SP140: variants seen among roughly 807,000 people sequenced by gnomAD.
SP140 encodes the protein nuclear body protein SP140.
In SP140, 81 loss-of-function variants were observed where a neutral mutation model predicts 125.0. That is an observed-to-expected ratio of 0.65 (90% CI 0.54 to 0.78). The LOEUF (loss-of-function observed/expected upper bound fraction) is 0.78, where lower values mean the gene tolerates loss of function less well. Ranked by LOEUF, SP140 falls within the 30% of genes least tolerant of loss-of-function variation. The pLI is 0.00. For synonymous variants in SP140, 312 were observed against 354.0 expected (o/e 0.88, Z 1.33); for missense variants, 858 against 1,037.0 (o/e 0.83, Z 2.37).
intron 1 of SP140, among the ~76,000 whole-genome samples, chr2:230,231,865 C>A (rs1039178444): frequency 6.6e-6 from 1 of 152,114 alleles, no homozygotes; most frequent in African/African-American, 2.4e-5. Flanking sequence ...TGCCACCATG[C>A]CCAGCTAATT....
At chr2:230,264,483 A>T (rs1054107912) in intron 12 of SP140, among the ~76,000 whole-genome samples, 1 of 151,566 alleles carries the variant, frequency 6.6e-6, no homozygotes, top group African/African-American at 2.4e-5. Flanking sequence ...TAAATCAGGG[A>T]TTTCTTCTTG....
intron 15 of SP140, among the ~76,000 whole-genome samples, chr2:230,278,039 C>T (rs2149397066): frequency 6.6e-6 from 1 of 152,110 alleles, no homozygotes; most frequent in South Asian, 2.1e-4. Flanking sequence ...CTGTTTTTAA[C>T]TTTTTGAGGA....
intron 1 of SP140, among the ~76,000 whole-genome samples, chr2:230,227,408 G>A (rs2046610620): frequency 6.6e-6 from 1 of 152,194 alleles, no homozygotes; most frequent in Non-Finnish European, 1.5e-5. Flanking sequence ...GAAGAAGACG[G>A]CACTGAGAGG....
intron 15 of SP140, among the ~76,000 whole-genome samples, chr2:230,275,203 G>A (rs1016134483): frequency 6.6e-6 from 1 of 152,122 alleles, no homozygotes. Context: ...ATTCTTTTAC[G>A]TTTCTTTGTG....
chr2:230,238,903 G>A, intron 3 of SP140: 2 of 1,550,626 alleles, frequency 1.3e-6, no homozygotes, highest in South Asian at 1.2e-5. Context: ...GGGGGTTGGT[G>A]GGGGCCTTTC....
chr2:230,260,566 A>G (rs1268315488), intron 12 of SP140, among the ~76,000 whole-genome samples: 1 of 152,212 alleles, frequency 6.6e-6, no homozygotes, highest in Non-Finnish European at 1.5e-5. Flanking sequence ...CAGAATTTTT[A>G]TAGTTTCAGG....
chr2:230,225,858 G>A lies in SP140; in HGVS notation c.14G>A (p.Gly5Asp), dbSNP rs753172617. The A allele has an allele frequency of 6.2e-7, 1 of 1,614,046 alleles. No homozygotes were observed. The highest frequency in any genetic ancestry group is 1.7e-5 in the Admixed American group (1 of 60,020). The change falls in exon 1 of 27, where the codon GGC becomes GAC. Residue 5 changes from glycine (G) to aspartate (D), a missense_variant. Coordinates refer to ENST00000392045, the MANE Select transcript of SP140 (RefSeq NM_007237.5). MAQQGQQGQMASGDS... is the reference protein window; with the variant it reads MAQQDQQGQMASGDS... The stretch of plus-strand genomic sequence containing the variant: ...TAGGCCAAGCTCATGGCCCAGCAGG[G>A]CCAGCAGGGGCAGATGGCAAGTGGA...
intron 10 of SP140, among the ~76,000 whole-genome samples, chr2:230,252,250 G>A (rs2050481972): frequency 6.6e-6 from 1 of 151,994 alleles, no homozygotes; most frequent in Admixed American, 6.6e-5. Flanking sequence ...GAAGGAGAAA[G>A]AGACAGATAT....
chr2:230,250,859 C>T, intron 9 of SP140, 122 bp from the exon 10 acceptor site: 1 of 1,009,030 alleles, frequency 9.9e-7, no homozygotes, highest in Non-Finnish European at 1.5e-6. Context: ...CCTACAGAAC[C>T]CACCTACAGG....
intron 1 of SP140, among the ~76,000 whole-genome samples, chr2:230,233,395 AC>A (rs1320627896): frequency 6.6e-6 from 1 of 152,158 alleles, no homozygotes; most frequent in Non-Finnish European, 1.5e-5. Context: ...TCAAAACAAA[AC>A]AAAAAAAACA....
intron 1 of SP140, chr2:230,210,043 G>T: frequency 7.7e-7 from 1 of 1,306,338 alleles, no homozygotes. Context: ...TCAGAGCTCA[G>T]ATCCAGTGAA....
At chr2:230,294,966 AT>A (rs1243677308) in intron 21 of SP140, among the ~76,000 whole-genome samples, 1 of 152,186 alleles carries the variant, frequency 6.6e-6, no homozygotes, top group Non-Finnish European at 1.5e-5. Flanking sequence ...AGGCAAATGT[AT>A]TTTATAGGAG....
chr2:230,279,217 A>T (rs910418533), intron 15 of SP140, among the ~76,000 whole-genome samples: 2 of 152,158 alleles, frequency 1.3e-5, no homozygotes, highest in Non-Finnish European at 2.9e-5. Context: ...CTGGAAGAAT[A>T]GTGTTAAAAT....
At chr2:230,266,789 C>T (rs1036103341) in intron 12 of SP140, among the ~76,000 whole-genome samples, 15 of 152,338 alleles carry the variant, frequency 9.8e-5, no homozygotes, top group African/African-American at 3.6e-4. Flanking sequence ...CATTGCCCCT[C>T]CATCTTGAAG....
chr2:230,212,210 G>T lies in SP140; in HGVS notation c.-322-1444G>T, dbSNP rs1341423465. The stretch of plus-strand genomic sequence containing the variant: ...TTTGCATTGCTGCGTTGGTGAATTG[G>T]CCCCTTCTGTTTCTTTTCCTTTGTA... On this transcript the variant is annotated intron_variant, in intron 1 of 4. Transcript: ENST00000456542. 30 of 714,190 alleles carry T rather than the reference G, an allele frequency of 4.2e-5. No individual in the cohort carries two copies. The Admixed American group carries it at 5.7e-4, about 14-fold the overall frequency. The allele number at this position is 714,190 out of a possible 1,614,324, so 44.2% of individuals were successfully genotyped here. A position where few individuals can be genotyped will look rare whatever the true frequency, so the allele number is the denominator to read the frequency against.
upstream of SP140, chr2:230,225,455 T>G: frequency 3.0e-6 from 1 of 328,060 alleles, no homozygotes; most frequent in South Asian, 2.4e-5. Context: ...ATGTCTGGTC[T>G]TCACTTGTCC....
chr2:230,202,469 C>A (rs919000549), upstream of SP140: 5 of 1,011,970 alleles, frequency 4.9e-6, no homozygotes, highest in Non-Finnish European at 7.6e-6. Context: ...ATTCTCTGTA[C>A]TTTTTCCTTT....
At chr2:230,220,951 G>A (rs966393255), upstream of SP140, among the ~76,000 whole-genome samples, 1 of 152,080 alleles carries the variant, frequency 6.6e-6, no homozygotes, top group African/African-American at 2.4e-5. Flanking sequence ...GTTCAAGGCT[G>A]CGGTGAGCTA....
rs1010763387 is a variant in SP140, at chr2:230,227,107, G to C, written c.59+1204G>C. On this transcript the variant is annotated intron_variant, in intron 1 of 26. Transcript: ENST00000392045. The stretch of plus-strand genomic sequence containing the variant: ...GGAACCAATTCCCCCTGGATACCAA[G>C]GGATGACTGTACATTCTTGATAAAA... Among the ~76,000 whole-genome samples, 43 of 152,236 alleles carry C rather than the reference G, an allele frequency of 2.8e-4. 1 individual carries two copies. Among genetic ancestry groups the C allele is most frequent in the African/African-American group, 1.0e-3 (42 of 41,540 alleles).
Sources: allele counts gnomAD v4.1 joint callset (sites outside exome capture counted in the v4.1 genomes callset), GRCh38; gene constraint gnomAD v4.1.1; transcripts MANE v1.5; gene names NCBI Gene and HGNC (gene_info 2026-07-23, HGNC 2026-07-21).